Variants in CHIC1 observed in about 807,000 individuals in gnomAD.
CHIC1 encodes the protein cysteine-rich hydrophobic domain-containing protein 1.
CHIC1 carries 7 observed loss-of-function variants against 18.5 expected under a neutral mutation model. The observed-to-expected ratio is 0.38, with a 90% CI of 0.22 to 0.71. The LOEUF is 0.71. Among genes scored for constraint, CHIC1 ranks in the 30% least tolerant of loss-of-function variants. CHIC1 has a pLI of 0.49. For synonymous variants in CHIC1, 77 were observed against 73.5 expected (o/e 1.05, Z -0.25); for missense variants, 159 against 176.9 (o/e 0.90, Z 0.57).
chrX:73,606,026 T>C (rs2057681943), intron 3 of CHIC1, among the ~76,000 whole-genome samples: 1 of 108,292 alleles, frequency 9.2e-6, no homozygotes, highest in South Asian at 3.8e-4. Flanking sequence ...TTTCCTGAAT[T>C]TGAATGTTGT....
intron 1 of CHIC1, among the ~76,000 whole-genome samples, chrX:73,566,615 C>T (rs1433028937): frequency 1.8e-5 from 2 of 111,258 alleles, no homozygotes; most frequent in African/African-American, 3.3e-5. Context: ...ATCTCTCTTT[C>T]TTATCCTTCA....
At chrX:73,604,435 G>T (rs2057668806) in intron 3 of CHIC1, among the ~76,000 whole-genome samples, 1 of 106,413 alleles carries the variant, frequency 9.4e-6, no homozygotes, top group Admixed American at 9.9e-5. Flanking sequence ...GGTCTATTTT[G>T]TTAATCTTTT....
chrX:73,628,968 A>G (rs1417066153), intron 3 of CHIC1, among the ~76,000 whole-genome samples: 1 of 110,738 alleles, frequency 9.0e-6, no homozygotes, highest in East Asian at 2.8e-4. Context: ...GATTCTCTTT[A>G]CTATATTTCC....
At chrX:73,622,230 T>G (rs779769556) in intron 3 of CHIC1, among the ~76,000 whole-genome samples, 3 of 111,666 alleles carry the variant, frequency 2.7e-5, no homozygotes, top group Non-Finnish European at 5.6e-5. Flanking sequence ...TAGGGAGGAG[T>G]CCCTCTTTTT....
chrX:73,644,085 A>G (rs2070472581), intron 3 of CHIC1, among the ~76,000 whole-genome samples: 1 of 112,477 alleles, frequency 8.9e-6, no homozygotes, highest in African/African-American at 3.2e-5. Context: ...TCCTTCTAAC[A>G]GACAGGACTC....
At chrX:73,574,952 G>A (rs999923475) in intron 1 of CHIC1, among the ~76,000 whole-genome samples, 3 of 109,589 alleles carry the variant, frequency 2.7e-5, no homozygotes, top group Non-Finnish European at 3.9e-5. Flanking sequence ...TTTTGTTCTT[G>A]TTTTCATAGT....
intron 3 of CHIC1, among the ~76,000 whole-genome samples, chrX:73,599,150 A>G (rs1485400826): frequency 9.1e-6 from 1 of 110,494 alleles, no homozygotes; most frequent in Non-Finnish European, 1.9e-5. Flanking sequence ...GTGTCTGTTC[A>G]TGTCCTTCGC....
intron 3 of CHIC1, among the ~76,000 whole-genome samples, chrX:73,590,242 C>G (rs758000338): frequency 9.0e-6 from 1 of 110,505 alleles, no homozygotes; most frequent in Non-Finnish European, 1.9e-5. Flanking sequence ...GCCACAGATA[C>G]TCTCAGTTTT....
At chrX:73,677,411 C>T (rs1207373716) in intron 3 of CHIC1, among the ~76,000 whole-genome samples, 2 of 112,036 alleles carry the variant, frequency 1.8e-5, no homozygotes, top group African/African-American at 6.5e-5. Flanking sequence ...GCTTTGTTTA[C>T]CTAATCAAAC....
chrX:73,568,619 A>G (rs1838502342), intron 1 of CHIC1, among the ~76,000 whole-genome samples: 1 of 111,274 alleles, frequency 9.0e-6, no homozygotes, highest in South Asian at 3.8e-4. Flanking sequence ...ATTACATCAC[A>G]TGAGGTTTTT....
chrX:73,660,174 A>G (rs2057972699), intron 3 of CHIC1, among the ~76,000 whole-genome samples: 1 of 112,405 alleles, frequency 8.9e-6, no homozygotes, highest in Non-Finnish European at 1.9e-5. Flanking sequence ...CTGTTAAGGC[A>G]TTTCCTTTAC....
rs762417921 is a variant in CHIC1 at position 73,660,712 on chromosome X, G to A, written c.508-18614G>A. ...TCATTTTCTTCATTTCTGGTACCGG[G>A]TTGGGTCCTAGCCACGCCATGGTAT... On this transcript the variant is annotated intron_variant, in intron 3 of 5. Coordinates refer to ENST00000373502, the MANE Select transcript of CHIC1 (RefSeq NM_001039840.4). Among the ~76,000 whole-genome samples the A allele has an allele frequency of 2.8e-3, 313 of 110,930 alleles. 1 individual carries two copies. Among genetic ancestry groups the A allele is most frequent in the African/African-American group, 9.8e-3 (299 of 30,491 alleles).
intron 3 of CHIC1, among the ~76,000 whole-genome samples, chrX:73,659,370 C>CTTTTTTTTTTTTTTTT (rs149705423): frequency 2.8e-5 from 1 of 35,183 alleles, no homozygotes; most frequent in Non-Finnish European, 4.8e-5. Context: ...TTCCCCTTTT[C>CTTTTTTTTTTTTTTTT]TTTTTTTTTT....
intron 1 of CHIC1, among the ~76,000 whole-genome samples, chrX:73,567,796 A>G (rs1055747720): frequency 9.3e-6 from 1 of 107,981 alleles, no homozygotes; most frequent in Non-Finnish European, 1.9e-5. Context: ...TGTTCACAGC[A>G]TGCTGTTTTT....
chrX:73,669,585 G>A (rs1053418782), intron 3 of CHIC1, among the ~76,000 whole-genome samples: 9 of 105,640 alleles, frequency 8.5e-5, no homozygotes, highest in East Asian at 3.3e-4. Context: ...TGGAGGATCC[G>A]CCTGGGAGGT....
intron 1 of CHIC1, among the ~76,000 whole-genome samples, chrX:73,571,681 A>G (rs931322333): frequency 9.0e-6 from 1 of 111,472 alleles, no homozygotes; most frequent in Non-Finnish European, 1.9e-5. Flanking sequence ...TTGTACTGAC[A>G]CACCTGAACA....
At chrX:73,622,959 A>G (rs1381970170) in intron 3 of CHIC1, among the ~76,000 whole-genome samples, 1 of 112,028 alleles carries the variant, frequency 8.9e-6, no homozygotes, top group Non-Finnish European at 1.9e-5. Context: ...GTAGTCATTC[A>G]GGAGCAGGTT....
intron 3 of CHIC1, among the ~76,000 whole-genome samples, chrX:73,619,484 T>A (rs1473001435): frequency 9.0e-6 from 1 of 111,455 alleles, no homozygotes; most frequent in Non-Finnish European, 1.9e-5. Context: ...TTCCTTCCTG[T>A]CTTCCTTTTG....
chrX:73,583,969 A>C (rs113054487), intron 2 of CHIC1, among the ~76,000 whole-genome samples: 1,631 of 111,087 alleles, frequency 0.015, 31 homozygotes, highest in African/African-American at 0.05. Flanking sequence ...CCTTTTTTCA[A>C]AGTAATCCAG....
Sources: gnomAD v4.1 joint callset for allele counts (sites outside exome capture counted in the v4.1 genomes callset) on GRCh38, gnomAD v4.1.1 for gene constraint, MANE v1.5 for transcripts, NCBI Gene and HGNC (gene_info 2026-07-23, HGNC 2026-07-21) for gene names.